ERG: variants seen among roughly 807,000 people sequenced by gnomAD.
ERG encodes the protein transcriptional regulator ERG.
ERG carries 9 observed loss-of-function variants against 55.3 expected under a neutral mutation model. That is an observed-to-expected ratio of 0.16 (90% CI 0.10 to 0.28). The LOEUF (loss-of-function observed/expected upper bound fraction) is 0.28, where lower values mean the gene tolerates loss of function less well. Ranked by LOEUF, ERG falls within the 10% of genes least tolerant of loss-of-function variation. ERG has a pLI of 1.00. For missense variants in ERG, 434 were observed against 631.6 expected, an observed-to-expected ratio of 0.69 and a Z score of 3.35; for synonymous variants, 223 against 237.3, an observed-to-expected ratio of 0.94 and a Z score of 0.55.
intron 1 of ERG, among the ~76,000 whole-genome samples, chr21:38,652,086 C>A (rs1289861049): frequency 6.6e-6 from 1 of 152,220 alleles, no homozygotes; most frequent in African/African-American, 2.4e-5. Flanking sequence ...CTTAACTTTA[C>A]ACCTGAGATA....
At chr21:38,611,484 C>T (rs1016512881) in intron 1 of ERG, among the ~76,000 whole-genome samples, 3 of 152,086 alleles carry the variant, frequency 2.0e-5, no homozygotes, top group Non-Finnish European at 4.4e-5. Context: ...CCCTGCTGCT[C>T]CTCAAGCTCA....
chr21:38,441,098 G>A (rs1183163171), intron 2 of ERG, among the ~76,000 whole-genome samples: 1 of 152,156 alleles, frequency 6.6e-6, no homozygotes, highest in Non-Finnish European at 1.5e-5. Context: ...CAGTCAGGCT[G>A]AGCTCCAGCA....
chr21:38,553,828 A>C (rs2059840249), intron 2 of ERG, among the ~76,000 whole-genome samples: 1 of 152,192 alleles, frequency 6.6e-6, no homozygotes, highest in African/African-American at 2.4e-5. Flanking sequence ...AAATTGACAA[A>C]TGGGACCTAA....
chr21:38,540,494 T>C (rs1029607700), intron 2 of ERG, among the ~76,000 whole-genome samples: 2 of 152,142 alleles, frequency 1.3e-5, no homozygotes, highest in African/African-American at 4.8e-5. Context: ...CCCTGGCAAG[T>C]GAATTACTTA....
intron 1 of ERG, among the ~76,000 whole-genome samples, chr21:38,454,781 A>C (rs2058972410): frequency 6.6e-6 from 1 of 152,164 alleles, no homozygotes; most frequent in Non-Finnish European, 1.5e-5. Flanking sequence ...CTTGTGTGCA[A>C]ATTATCACTT....
At chr21:38,440,815 C>G (rs1204414090) in intron 2 of ERG, among the ~76,000 whole-genome samples, 2 of 142,134 alleles carry the variant, frequency 1.4e-5, no homozygotes, top group Non-Finnish European at 3.0e-5. Context: ...AAAAAAAAAG[C>G]CCACAGTGAG....
At chr21:38,619,681 G>A (rs776155994) in intron 1 of ERG, among the ~76,000 whole-genome samples, 27 of 152,136 alleles carry the variant, frequency 1.8e-4, no homozygotes, top group Admixed American at 1.6e-3. Context: ...CCAGCCTTAC[G>A]GCTTCATAAA....
chr21:38,568,220 T>C (rs1004376742), intron 2 of ERG, among the ~76,000 whole-genome samples: 3 of 142,318 alleles, frequency 2.1e-5, no homozygotes, highest in Non-Finnish European at 3.1e-5. Flanking sequence ...GTATACAACA[T>C]TATAGATTAA....
At chr21:38,535,472 A>G (rs752943317) in intron 2 of ERG, among the ~76,000 whole-genome samples, 5 of 152,240 alleles carry the variant, frequency 3.3e-5, no homozygotes, top group Non-Finnish European at 7.3e-5. Flanking sequence ...AAGATTTTAT[A>G]GCACCTATCA....
At chr21:38,462,536 T>C (rs1009721586) in intron 1 of ERG, among the ~76,000 whole-genome samples, 1 of 152,174 alleles carries the variant, frequency 6.6e-6, no homozygotes, top group Non-Finnish European at 1.5e-5. Context: ...ATGAAGAACA[T>C]ATTTTCAGTA....
chr21:38,524,274 C>T (rs1212596853), intron 2 of ERG, among the ~76,000 whole-genome samples: 1 of 152,206 alleles, frequency 6.6e-6, no homozygotes, highest in Non-Finnish European at 1.5e-5. Context: ...GCTGCCAACA[C>T]TATGAGCCTT....
chr21:38,647,077 T>G (rs890097562), intron 1 of ERG, among the ~76,000 whole-genome samples: 5 of 152,196 alleles, frequency 3.3e-5, no homozygotes, highest in Non-Finnish European at 7.3e-5. Context: ...CGTGTCACCT[T>G]CTCATACGTG....
intron 2 of ERG, among the ~76,000 whole-genome samples, chr21:38,561,906 A>G (rs2059895224): frequency 6.6e-6 from 1 of 152,256 alleles, no homozygotes; most frequent in Non-Finnish European, 1.5e-5. Context: ...TTTTTAAAGT[A>G]CATTCTCAGA....
intron 3 of ERG, among the ~76,000 whole-genome samples, chr21:38,417,095 G>T (rs1319767368): frequency 6.6e-6 from 1 of 152,190 alleles, no homozygotes; most frequent in Non-Finnish European, 1.5e-5. Flanking sequence ...CCACATGGGT[G>T]GGTCTTAGCT....
downstream of ERG, among the ~76,000 whole-genome samples, chr21:38,379,631 T>C (rs990407379): frequency 1.3e-4 from 20 of 152,332 alleles, no homozygotes; most frequent in African/African-American, 4.3e-4. Context: ...TTTAACATTT[T>C]TTTGTGAGAA....
Position 38,498,245 on chromosome 21 carries a change from C to T in ERG, c.18+118G>A. 3 of 842,824 alleles carry T rather than the reference C, an allele frequency of 3.6e-6. No individual in the cohort carries two copies. The South Asian group carries it at 4.5e-5, about 13-fold the overall frequency. 52.2% of individuals were successfully genotyped at this position (842,824 alleles called of 1,614,324 possible). On this transcript the variant is annotated intron_variant, in intron 1 of 9. Transcript: ENST00000288319. This position sits in a 1 kb window ranked among gnomAD's most constrained non-coding sequence, Gnocchi z 4.6. ...GCAGTGCAAAGGAAATCTTGTTGTC[C>T]TCTATTGTGGCAGTGGGGGTGTTGC...
At chr21:38,563,576 TAA>T (rs2059905543) in intron 2 of ERG, among the ~76,000 whole-genome samples, 1 of 152,138 alleles carries the variant, frequency 6.6e-6, no homozygotes, top group African/African-American at 2.4e-5. Flanking sequence ...GGAGAGAAAA[TAA>T]AGAGTAAGTG....
intron 3 of ERG, among the ~76,000 whole-genome samples, chr21:38,419,772 T>G (rs567292406): frequency 6.6e-6 from 1 of 152,292 alleles, no homozygotes; most frequent in South Asian, 2.1e-4. Context: ...TTTTGACACT[T>G]TTTTTATGGG....
intron 6 of ERG, chr21:38,395,669 A>C (rs148669286): frequency 1.1e-3 from 187 of 175,892 alleles, no homozygotes; most frequent in African/African-American, 3.3e-3. Flanking sequence ...AGTATAAAAA[A>C]CAGCATGAAG....
Sources: allele counts gnomAD v4.1 joint callset (sites outside exome capture counted in the v4.1 genomes callset), GRCh38; gene constraint gnomAD v4.1.1; non-coding constraint Gnocchi (gnomAD v3.1); transcripts MANE v1.5; gene names NCBI Gene and HGNC (gene_info 2026-07-23, HGNC 2026-07-21).